CARMIL1: variants seen among roughly 807,000 people sequenced by gnomAD.
CARMIL1 encodes F-actin-uncapping protein LRRC16A.
In CARMIL1, 90 loss-of-function variants were observed where a neutral mutation model predicts 177.1. That is an observed-to-expected ratio of 0.51 (90% CI 0.43 to 0.61). The LOEUF (loss-of-function observed/expected upper bound fraction) is 0.61. CARMIL1 is among the 20% of genes least tolerant of loss of function. The pLI is 0.00. For synonymous variants in CARMIL1, 577 were observed against 606.2 expected (o/e 0.95, Z 0.71); for missense variants, 1,380 against 1,667.0 (o/e 0.83, Z 3.00).
chr6:25,599,624 T>C (rs1050960977), intron 32 of CARMIL1, among the ~76,000 whole-genome samples: 8 of 152,206 alleles, frequency 5.3e-5, no homozygotes, highest in Non-Finnish European at 1.0e-4. Flanking sequence ...TTTAGCTGCT[T>C]GCCCCTCAAA....
intron 8 of CARMIL1, among the ~76,000 whole-genome samples, chr6:25,455,341 T>A (rs564372279): frequency 1.3e-5 from 2 of 152,328 alleles, no homozygotes; most frequent in Admixed American, 6.5e-5. Context: ...TTAGTCTTCA[T>A]ACTTAGAAAC....
chr6:25,390,320 A>ATATATATATT (rs1554184839), intron 2 of CARMIL1, among the ~76,000 whole-genome samples: 1 of 58,104 alleles, frequency 1.7e-5, no homozygotes, highest in African/African-American at 6.2e-5. Flanking sequence ...ATATATATAT[A>ATATATATATT]TTTTTTTTTT....
intron 8 of CARMIL1, among the ~76,000 whole-genome samples, chr6:25,462,078 T>C (rs530176464): frequency 1.3e-5 from 2 of 152,220 alleles, no homozygotes; most frequent in Non-Finnish European, 2.9e-5. Context: ...CAATTCCTTT[T>C]TCAGAAATGG....
chr6:25,344,098 A>G (rs1414145209), intron 2 of CARMIL1, among the ~76,000 whole-genome samples: 1 of 152,008 alleles, frequency 6.6e-6, no homozygotes, highest in Non-Finnish European at 1.5e-5. Flanking sequence ...TTCAGTCCCC[A>G]TGTTCACTCC....
At chr6:25,487,337 C>T (rs964466515) in intron 12 of CARMIL1, among the ~76,000 whole-genome samples, 7 of 152,156 alleles carry the variant, frequency 4.6e-5, no homozygotes, top group East Asian at 1.9e-4. Flanking sequence ...GACCTTGGCC[C>T]CTCTTCTCCA....
intron 2 of CARMIL1, among the ~76,000 whole-genome samples, chr6:25,368,575 A>C (rs1790075574): frequency 6.6e-6 from 1 of 152,342 alleles, no homozygotes; most frequent in Non-Finnish European, 1.5e-5. Context: ...TTACTCAGGA[A>C]TCTCATAGAA....
In CARMIL1 at chr6:25,482,358, A is replaced by C. The variant is rs989967096; in HGVS notation, c.961+15A>C. On this transcript the variant is annotated intron_variant, in intron 12 of 36. Transcript: ENST00000329474. ...ATCACCTAAAGGTACAGTATTTCTT[A>C]TTTACCTAAGAGTGTGTCTGAAATA... 8.5e-6 allele frequency: 11 copies of C among 1,293,186 alleles called. No homozygotes were observed. The highest frequency in any genetic ancestry group is 1.1e-5 in the Non-Finnish European group (10 of 910,822). 80.1% of individuals were successfully genotyped at this position (1,293,186 alleles called of 1,614,324 possible).
chr6:25,422,102 G>A (rs925058049), intron 3 of CARMIL1, among the ~76,000 whole-genome samples: 5 of 152,076 alleles, frequency 3.3e-5, no homozygotes, highest in African/African-American at 1.2e-4. Flanking sequence ...GTAATGAATG[G>A]GAGAAAGAGA....
intron 2 of CARMIL1, among the ~76,000 whole-genome samples, chr6:25,290,369 CTTTTTTT>C (rs910242856): frequency 0.04 from 3,827 of 95,362 alleles, 54 homozygotes; most frequent in Non-Finnish European, 0.054. Flanking sequence ...TGCTGGGATT[CTTTTTTT>C]TTTTTTTTTT....
chr6:25,470,754 C>A (rs2150938284), intron 9 of CARMIL1, among the ~76,000 whole-genome samples: 1 of 152,292 alleles, frequency 6.6e-6, no homozygotes, highest in Admixed American at 6.5e-5. Flanking sequence ...GTGGAAGGGG[C>A]AAGATAGCTC....
chr6:25,472,238 C>T lies in CARMIL1; in HGVS notation c.780-189C>T, dbSNP rs145653912. Among the ~76,000 whole-genome samples, 944 of 151,850 alleles carry T rather than the reference C, an allele frequency of 6.2e-3. 6 individuals are homozygous for T. Among genetic ancestry groups the T allele is most frequent in the African/African-American group, 0.018 (730 of 41,372 alleles). On this transcript the variant is annotated intron_variant, in intron 10 of 36. Coordinates refer to ENST00000329474, the MANE Select transcript of CARMIL1 (RefSeq NM_017640.6). ...TTGCTTTTGGCCAATCAGAATGAAC[C>T]GTTTTCTGGCTGTGGCTTTACAAAT...
rs543167887 is a variant in CARMIL1, at chr6:25,595,322, C to A, written c.3119+795C>A. On this transcript the variant is annotated intron_variant, in intron 32 of 36. Coordinates refer to ENST00000329474, the MANE Select transcript of CARMIL1 (RefSeq NM_017640.6). Reference sequence around the variant, plus strand: ...AAACATAAGCCAGATAAGCCAAAGGCGGCAGGCTGGGCACAGGTAGGGAAG... The same window carrying A: ...AAACATAAGCCAGATAAGCCAAAGGAGGCAGGCTGGGCACAGGTAGGGAAG... Among the ~76,000 whole-genome samples, 65 of 152,274 alleles carry A rather than the reference C, an allele frequency of 4.3e-4. 1 individual carries two copies. The highest frequency in any genetic ancestry group is 6.8e-3 in the Middle Eastern group (2 of 294).
Position 25,510,609 on chromosome 6 carries a change from AAG to A in CARMIL1, c.1577+6_1577+7del. 1.3e-6 allele frequency: 2 copies of A among 1,538,016 alleles called. No homozygotes were observed. The highest frequency in any genetic ancestry group is 1.8e-6 in the Non-Finnish European group (2 of 1,136,984). On this transcript the variant is annotated splice_donor_5th_base_variant and intron_variant, in intron 19 of 36. Coordinates refer to ENST00000329474, the MANE Select transcript of CARMIL1 (RefSeq NM_017640.6). ...AATTTTAATAATATGAAATCCAAGT[AAG>A]AGTTTTGAATTTTTTTATATGACAA...
intron 2 of CARMIL1, among the ~76,000 whole-genome samples, chr6:25,345,837 A>C (rs562595780): frequency 3.3e-5 from 5 of 152,224 alleles, no homozygotes; most frequent in Non-Finnish European, 7.4e-5. Flanking sequence ...GGCTGGTCTC[A>C]AACTCCTGAC....
intron 11 of CARMIL1, among the ~76,000 whole-genome samples, chr6:25,478,082 A>T (rs1462613372): frequency 6.6e-6 from 1 of 150,792 alleles, no homozygotes; most frequent in Non-Finnish European, 1.5e-5. Flanking sequence ...TTCTCCACTC[A>T]CTCTATTCAA....
intron 2 of CARMIL1, among the ~76,000 whole-genome samples, chr6:25,397,600 G>A (rs999923322): frequency 6.6e-6 from 1 of 152,190 alleles, no homozygotes; most frequent in African/African-American, 2.4e-5. Context: ...CTATCACAGT[G>A]CCTGTGAAGA....
At chr6:25,404,083 G>C (rs376528412) in intron 2 of CARMIL1, among the ~76,000 whole-genome samples, 1 of 152,174 alleles carries the variant, frequency 6.6e-6, no homozygotes, top group Non-Finnish European at 1.5e-5. Context: ...ACATCCTCTG[G>C]TGTAACCCTG....
intron 2 of CARMIL1, among the ~76,000 whole-genome samples, chr6:25,297,515 ATCTC>A (rs983563616): frequency 6.6e-6 from 1 of 151,982 alleles, no homozygotes; most frequent in African/African-American, 2.4e-5. Flanking sequence ...TCTGTTCAAT[ATCTC>A]TCTCTCTCTT....
chr6:25,596,788 T>C (rs1413452380), intron 32 of CARMIL1, among the ~76,000 whole-genome samples: 2 of 152,062 alleles, frequency 1.3e-5, no homozygotes, highest in East Asian at 3.9e-4. Context: ...TTTCAAATTT[T>C]GGAGCATTTC....
Sources: allele counts gnomAD v4.1 joint callset (sites outside exome capture counted in the v4.1 genomes callset), GRCh38; gene constraint gnomAD v4.1.1; transcripts MANE v1.5; gene names NCBI Gene and HGNC (gene_info 2026-07-23, HGNC 2026-07-21).